Variants in ZFYVE9 observed in about 807,000 individuals in gnomAD.
ZFYVE9 encodes zinc finger FYVE domain-containing protein 9.
A neutral mutation model predicts 126.7 loss-of-function variants in ZFYVE9; 43 were observed. The observed-to-expected ratio is 0.34, with a 90% CI of 0.27 to 0.44. The LOEUF (loss-of-function observed/expected upper bound fraction) is 0.44, where lower values mean the gene tolerates loss of function less well. Ranked by LOEUF, ZFYVE9 falls within the 20% of genes least tolerant of loss-of-function variation. ZFYVE9 has a pLI of 1.00. For synonymous variants in ZFYVE9, 521 were observed against 597.4 expected (o/e 0.87, Z 1.87); for missense variants, 1,476 against 1,697.0 (o/e 0.87, Z 2.29).
intron 1 of ZFYVE9, among the ~76,000 whole-genome samples, chr1:52,198,912 T>C (rs1176570564): frequency 6.6e-6 from 1 of 152,180 alleles, no homozygotes; most frequent in Non-Finnish European, 1.5e-5. Context: ...ATTATTTACA[T>C]TGGGGTTTAC....
intron 13 of ZFYVE9, among the ~76,000 whole-genome samples, chr1:52,325,810 C>A (rs557129738): frequency 1.3e-5 from 2 of 152,324 alleles, no homozygotes; most frequent in South Asian, 4.1e-4. Flanking sequence ...TCTATAAATC[C>A]TTTCCAGTTC....
chr1:52,297,176 G>A (rs1645985102), intron 12 of ZFYVE9, among the ~76,000 whole-genome samples: 3 of 151,968 alleles, frequency 2.0e-5, no homozygotes, highest in Admixed American at 2.0e-4. Context: ...GGGCTAGGGG[G>A]CAGCCCCAGG....
rs1645305044 is a variant in ZFYVE9 at position 52,238,898 on chromosome 1, C to G, written c.1481C>G (p.Thr494Ser). The change falls in exon 4 of 19, where the codon ACT becomes AGT. Residue 494 changes from threonine (T) to serine (S), a missense_variant. By Grantham distance (58) the Thr-to-Ser change is moderately conservative. Around this residue, in one of 2 missense-constraint regions of ZFYVE9, gnomAD observed 807 missense variants for 794.6 expected, o/e 1.02. Transcript: ENST00000287727. ...QDPGVSFVPK[T>S]LPSKEDSVTE... is the part of the protein sequence containing the mutation. ...CCAGGTGTTTCTTTTGTTCCAAAGACTTTACCCTCCAAAGAAGATTCAGTA... is the reference window on the plus strand; with the variant it reads ...CCAGGTGTTTCTTTTGTTCCAAAGAGTTTACCCTCCAAAGAAGATTCAGTA... The G allele has an allele frequency of 6.2e-7, 1 of 1,613,876 alleles. No individual in the cohort carries two copies. The highest frequency in any genetic ancestry group is 1.1e-5 in the South Asian group (1 of 91,070).
rs371854465 is a variant in ZFYVE9 at position 52,176,512 on chromosome 1, C to G, written c.-143+34109C>G. Among the ~76,000 whole-genome samples, 594 of 152,334 alleles carry G rather than the reference C, an allele frequency of 3.9e-3. 12 individuals are homozygous for G. The South Asian group carries it at 0.044, about 11-fold the overall frequency. ...CCTGTGTGCTGGGAGAACCACTGCT[C>G]TCTTCAAAGCTGTCAGACAGGGACA... is the stretch of plus-strand genomic sequence containing the variant. On this transcript the variant is annotated intron_variant, in intron 1 of 18. Transcript: ENST00000287727.
chr1:52,251,056 G>GT (rs1645440824), intron 4 of ZFYVE9, among the ~76,000 whole-genome samples: 1 of 135,930 alleles, frequency 7.4e-6, no homozygotes, highest in Non-Finnish European at 1.6e-5. Flanking sequence ...TGTTGTTGTT[G>GT]TTGTTGTTTG....
chr1:52,206,227 A>G (rs1310759897), intron 1 of ZFYVE9, among the ~76,000 whole-genome samples: 1 of 152,148 alleles, frequency 6.6e-6, no homozygotes, highest in Admixed American at 6.5e-5. Flanking sequence ...TCAGGAGCTC[A>G]CACCAGGCTA....
chr1:52,338,519 G>A (rs1646408683), intron 16 of ZFYVE9, among the ~76,000 whole-genome samples: 1 of 152,126 alleles, frequency 6.6e-6, no homozygotes, highest in African/African-American at 2.4e-5. Context: ...GGACAAGCTG[G>A]AAAACATTGC....
At chr1:52,252,651 C>A in intron 4 of ZFYVE9, 1 of 321,984 alleles carries the variant, frequency 3.1e-6, no homozygotes, top group South Asian at 2.6e-5. Context: ...AGCCACCACG[C>A]CTGGCCGAAA....
intron 13 of ZFYVE9, among the ~76,000 whole-genome samples, chr1:52,330,159 C>T (rs1390204514): frequency 6.6e-6 from 1 of 152,222 alleles, no homozygotes; most frequent in African/African-American, 2.4e-5. Flanking sequence ...GGGCGGACCA[C>T]TTGAGGTCGG....
intron 2 of ZFYVE9, among the ~76,000 whole-genome samples, chr1:52,223,757 C>G (rs1349244444): frequency 5.3e-5 from 8 of 152,104 alleles, no homozygotes; most frequent in Admixed American, 3.3e-4. Flanking sequence ...CCTGAGATCT[C>G]TCATGTTTTC....
At chr1:52,239,888 G>A (rs1645316602) in intron 4 of ZFYVE9, among the ~76,000 whole-genome samples, 2 of 152,118 alleles carry the variant, frequency 1.3e-5, no homozygotes, top group Non-Finnish European at 2.9e-5. Context: ...CTTGGTTAAT[G>A]TAATAGTTTG....
intron 2 of ZFYVE9, among the ~76,000 whole-genome samples, chr1:52,232,594 G>A (rs2124620877): frequency 6.6e-6 from 1 of 152,048 alleles, no homozygotes; most frequent in South Asian, 2.1e-4. Flanking sequence ...TGGACATGGT[G>A]GTGCTTGCCT....
chr1:52,142,646 G>A lies in ZFYVE9; in HGVS notation c.-143+243G>A, dbSNP rs1284078170. Among the ~76,000 whole-genome samples, 1 of 152,184 alleles carries A rather than the reference G, an allele frequency of 6.6e-6. No individual in the cohort carries two copies. ...CCGGCCTCGGTTCCGGCGCGGCCGGGTGTGTGGAGCTGGGGGCCGGCAGGA... is the reference window on the plus strand; with the variant it reads ...CCGGCCTCGGTTCCGGCGCGGCCGGATGTGTGGAGCTGGGGGCCGGCAGGA... On this transcript the variant is annotated intron_variant, in intron 1 of 18. Coordinates refer to ENST00000287727, the MANE Select transcript of ZFYVE9 (RefSeq NM_004799.4). This position sits in a 1 kb window ranked among gnomAD's most constrained non-coding sequence, Gnocchi z 4.5.
At chr1:52,281,598 CT>C (rs1438365135) in intron 9 of ZFYVE9, 62 bp from the exon 10 acceptor site, 4 of 1,569,822 alleles carry the variant, frequency 2.5e-6, no homozygotes, top group Admixed American at 1.8e-5. Flanking sequence ...TTCTGTGCAT[CT>C]TTTTTTAAGA....
At chr1:52,201,104 T>C (rs887267569) in intron 1 of ZFYVE9, among the ~76,000 whole-genome samples, 2 of 152,216 alleles carry the variant, frequency 1.3e-5, no homozygotes, top group Non-Finnish European at 2.9e-5. Context: ...ATTAAGTCTT[T>C]CTGTTCGTGA....
At chr1:52,203,867 T>C (rs1446329239) in intron 1 of ZFYVE9, among the ~76,000 whole-genome samples, 1 of 152,152 alleles carries the variant, frequency 6.6e-6, no homozygotes, top group African/African-American at 2.4e-5. Flanking sequence ...AAAGGCATTC[T>C]TCATTTCTGT....
intron 10 of ZFYVE9, among the ~76,000 whole-genome samples, chr1:52,291,889 A>G (rs80262307): frequency 6.6e-6 from 1 of 150,682 alleles, no homozygotes; most frequent in South Asian, 2.1e-4. Context: ...CTGTCTCAAA[A>G]AAAAAAAAAA....
At chr1:52,158,959 A>G (rs1411870277) in intron 1 of ZFYVE9, among the ~76,000 whole-genome samples, 1 of 151,678 alleles carries the variant, frequency 6.6e-6, no homozygotes, top group Non-Finnish European at 1.5e-5. Flanking sequence ...TGCCCGGCTA[A>G]TTTTTTGTAT....
intron 12 of ZFYVE9, among the ~76,000 whole-genome samples, chr1:52,302,755 A>C (rs1646047336): frequency 7.5e-6 from 1 of 133,542 alleles, no homozygotes; most frequent in South Asian, 2.2e-4. Context: ...TGTCTCAGGA[A>C]AAAAAAAAAA....
Sources: gnomAD v4.1 joint callset for allele counts (sites outside exome capture counted in the v4.1 genomes callset) on GRCh38, gnomAD v4.1.1 for gene constraint, gnomAD v4.1.1 regional missense constraint, Gnocchi (gnomAD v3.1) non-coding constraint, MANE v1.5 for transcripts, NCBI Gene and HGNC (gene_info 2026-07-23, HGNC 2026-07-21) for gene names.